PTPRT: variants seen among roughly 807,000 people sequenced by gnomAD.
PTPRT encodes protein tyrosine phosphatase receptor type T.
A neutral mutation model predicts 176.8 loss-of-function variants in PTPRT; 56 were observed. The observed-to-expected ratio is 0.32, with a 90% CI of 0.26 to 0.40. The LOEUF is 0.40. Ranked by LOEUF, PTPRT falls within the 10% of genes least tolerant of loss-of-function variation. The pLI is 1.00. For synonymous variants in PTPRT, 783 were observed against 739.0 expected (o/e 1.06, Z -0.96); for missense variants, 1,540 against 1,908.2 (o/e 0.81, Z 3.60).
At chr20:42,513,203 T>G (rs1002856707) in intron 7 of PTPRT, among the ~76,000 whole-genome samples, 3 of 64,600 alleles carry the variant, frequency 4.6e-5, no homozygotes, top group Non-Finnish European at 3.0e-5. Flanking sequence ...ATTGATGGGG[T>G]GTGTGTGTGT....
chr20:42,891,929 A>T (rs1399563140), intron 1 of PTPRT, among the ~76,000 whole-genome samples: 1 of 152,244 alleles, frequency 6.6e-6, no homozygotes, highest in Non-Finnish European at 1.5e-5. Context: ...CTGTAGTCAC[A>T]CAGCCTCTGT....
intron 5 of PTPRT, among the ~76,000 whole-genome samples, chr20:42,758,695 T>A (rs966407581): frequency 6.6e-6 from 1 of 152,106 alleles, no homozygotes; most frequent in Admixed American, 6.5e-5. Flanking sequence ...CTAACCAACA[T>A]GTGGAATAGT....
chr20:42,634,389 A>G lies in PTPRT; in HGVS notation c.1153+43477T>C, dbSNP rs1471046721. Among the ~76,000 whole-genome samples, 3 of 151,032 alleles carry G rather than the reference A, an allele frequency of 2.0e-5. No individual in the cohort carries two copies. In the Admixed American group the frequency reaches 2.0e-4, roughly 10 times the overall value. ...GAAAGCTCCATGATAGAGATGACAG[A>G]GCTATAAGATGAAAGCAGCCCAAAT... On this transcript the variant is annotated intron_variant, in intron 7 of 30. Coordinates refer to ENST00000373187, the MANE Select transcript of PTPRT (RefSeq NM_007050.6).
chr20:42,913,457 A>AT lies in PTPRT; in HGVS notation c.89-27526dup, dbSNP rs113394653. Among the ~76,000 whole-genome samples the AT allele has an allele frequency of 6.6e-3, 988 of 149,522 alleles. 8 individuals carry two copies. Among genetic ancestry groups the AT allele is most frequent in the African/African-American group, 0.022 (907 of 40,898 alleles). ...ATTGTCTTTTCTGTCTCCCTGCCTAATTTTTTTTTTGTTTTTACAAGGATA... is the reference window on the plus strand; with the variant it reads ...ATTGTCTTTTCTGTCTCCCTGCCTAATTTTTTTTTTTGTTTTTACAAGGATA... On this transcript the variant is annotated intron_variant, in intron 1 of 30. Transcript: ENST00000373187.
chr20:42,746,660 T>C (rs2076695367), intron 6 of PTPRT, among the ~76,000 whole-genome samples: 1 of 151,950 alleles, frequency 6.6e-6, no homozygotes, highest in Non-Finnish European at 1.5e-5. Context: ...TTAATAAAAG[T>C]TAAGACCAAA....
chr20:42,508,576 T>C (rs1015291683), intron 7 of PTPRT, among the ~76,000 whole-genome samples: 2 of 152,166 alleles, frequency 1.3e-5, no homozygotes, highest in Admixed American at 6.6e-5. Context: ...GACTTATAAA[T>C]ATTAACTCAT....
At chr20:42,577,100 A>C (rs2073274947) in intron 7 of PTPRT, among the ~76,000 whole-genome samples, 1 of 152,214 alleles carries the variant, frequency 6.6e-6, no homozygotes, top group Non-Finnish European at 1.5e-5. Flanking sequence ...CTGAAAAGAA[A>C]ACAGGCCATT....
At chr20:42,051,269 G>C in the PTPRT span, among the ~76,000 whole-genome samples, 1 of 152,202 alleles carries the variant, frequency 6.6e-6, no homozygotes, top group African/African-American at 2.4e-5. Context: ...AGGTCTCTAT[G>C]AGACAGAAGG....
chr20:42,114,294 G>A (rs1384534931), intron 22 of PTPRT, among the ~76,000 whole-genome samples: 2 of 152,162 alleles, frequency 1.3e-5, no homozygotes, highest in African/African-American at 4.8e-5. Flanking sequence ...GTAAAATGGG[G>A]ATAATAATAG....
At chr20:42,633,874 T>C (rs2074479926) in intron 7 of PTPRT, among the ~76,000 whole-genome samples, 1 of 83,568 alleles carries the variant, frequency 1.2e-5, no homozygotes, top group Non-Finnish European at 2.1e-5. Context: ...TTATCTATAA[T>C]ATATTATAAT....
intron 1 of PTPRT, among the ~76,000 whole-genome samples, chr20:42,890,896 C>G (rs1186832618): frequency 6.6e-6 from 1 of 152,106 alleles, no homozygotes; most frequent in African/African-American, 2.4e-5. Context: ...GTGGTTTCCC[C>G]CATACTGTTC....
chr20:42,845,997 G>A (rs2078363802), intron 2 of PTPRT, among the ~76,000 whole-genome samples: 1 of 152,016 alleles, frequency 6.6e-6, no homozygotes, highest in South Asian at 2.1e-4. Flanking sequence ...GGTCTGCAAG[G>A]GAAGCTGAGC....
At chr20:42,781,073 G>A (rs1233968043) in intron 3 of PTPRT, among the ~76,000 whole-genome samples, 1 of 152,068 alleles carries the variant, frequency 6.6e-6, no homozygotes, top group Non-Finnish European at 1.5e-5. Flanking sequence ...CTCCGGCACA[G>A]TCTCTACCGA....
At chr20:42,606,100 TTAGAC>T (rs1471987646) in intron 7 of PTPRT, among the ~76,000 whole-genome samples, 2 of 152,200 alleles carry the variant, frequency 1.3e-5, no homozygotes, top group Non-Finnish European at 2.9e-5. Context: ...AAATGCTGGC[TTAGAC>T]CACATTGTGA....
intron 3 of PTPRT, among the ~76,000 whole-genome samples, chr20:42,788,474 T>C (rs143680723): frequency 0.011 from 1,703 of 152,254 alleles, 35 homozygotes; most frequent in African/African-American, 0.039. Context: ...TGGCTCTTGG[T>C]CACCCATGGG....
At chr20:42,833,570 G>C (rs760136623) in intron 2 of PTPRT, among the ~76,000 whole-genome samples, 4 of 151,452 alleles carry the variant, frequency 2.6e-5, no homozygotes, top group African/African-American at 9.7e-5. Flanking sequence ...ATGACAAAGC[G>C]AGGCCCCATC....
At chr20:42,306,860 C>T (rs1455813455) in intron 12 of PTPRT, among the ~76,000 whole-genome samples, 1 of 152,104 alleles carries the variant, frequency 6.6e-6, no homozygotes, top group Non-Finnish European at 1.5e-5. Context: ...AACTGAGACC[C>T]CATGGGATTC....
intron 7 of PTPRT, among the ~76,000 whole-genome samples, chr20:42,634,042 TATATATATATTATAAATATATA>T (rs2074523238): frequency 2.5e-4 from 7 of 28,124 alleles, no homozygotes; most frequent in Admixed American, 6.9e-4. Context: ...TTATATATAT[TATATATATATTATAAATATATA>T]ATATATATAT....
intron 2 of PTPRT, among the ~76,000 whole-genome samples, chr20:42,795,698 A>T (rs2145567480): frequency 6.6e-6 from 1 of 152,308 alleles, no homozygotes; most frequent in South Asian, 2.1e-4. Context: ...AGCTGTGGTG[A>T]CATGAAACAA....
Sources: allele counts gnomAD v4.1 joint callset (sites outside exome capture counted in the v4.1 genomes callset), GRCh38; gene constraint gnomAD v4.1.1; transcripts MANE v1.5; gene names NCBI Gene and HGNC (gene_info 2026-07-23, HGNC 2026-07-21).